Variants in RBFOX1 observed in about 807,000 individuals in gnomAD.
The protein encoded by RBFOX1 is RNA binding fox-1 homolog 1.
A neutral mutation model predicts 57.7 loss-of-function variants in RBFOX1; 8 were observed. The observed-to-expected ratio is 0.14, with a 90% CI of 0.08 to 0.25. The LOEUF (loss-of-function observed/expected upper bound fraction) is 0.25. Ranked by LOEUF, RBFOX1 falls within the 10% of genes least tolerant of loss-of-function variation. The pLI is 1.00. For missense variants in RBFOX1, 611 were observed against 548.5 expected (o/e 1.11, Z -1.14); for synonymous variants, 326 against 222.4 (o/e 1.47, Z -4.15).
At chr16:6,193,356 T>TTATATATA (rs61247347) in intron 1 of RBFOX1, among the ~76,000 whole-genome samples, 7 of 64,596 alleles carry the variant, frequency 1.1e-4, no homozygotes, top group African/African-American at 3.2e-4. Context: ...TATATATACA[T>TTATATATA]TATATATATA....
chr16:5,993,954 C>T (rs1025620381), intron 4 of RBFOX1, among the ~76,000 whole-genome samples: 1 of 152,134 alleles, frequency 6.6e-6, no homozygotes, highest in South Asian at 2.1e-4. Flanking sequence ...ATTGGAAGCA[C>T]TTTGCTGCTG....
chr16:5,405,075 A>T (rs1048539021), intron 1 of RBFOX1, among the ~76,000 whole-genome samples: 1 of 152,108 alleles, frequency 6.6e-6, no homozygotes, highest in Non-Finnish European at 1.5e-5. Context: ...GTGCAAAGAG[A>T]GGTTGAGCAG....
intron 2 of RBFOX1, chr16:6,576,925 C>T (rs756546666): frequency 1.3e-5 from 2 of 152,182 alleles, no homozygotes; most frequent in Non-Finnish European, 2.9e-5. Context: ...AGATAAAGAA[C>T]CTGTAAAGAA....
chr16:7,672,385 T>C (rs973427397), intron 13 of RBFOX1, among the ~76,000 whole-genome samples: 6 of 152,184 alleles, frequency 3.9e-5, no homozygotes, highest in African/African-American at 1.4e-4. Context: ...TTTTCTTCAG[T>C]ATTATGAGTG....
At chr16:5,368,151 T>C (rs2065771552) in intron 1 of RBFOX1, among the ~76,000 whole-genome samples, 1 of 152,238 alleles carries the variant, frequency 6.6e-6, no homozygotes, top group East Asian at 1.9e-4. Flanking sequence ...ATCCAACCTC[T>C]GGGAGCTATC....
intron 4 of RBFOX1, among the ~76,000 whole-genome samples, chr16:7,207,190 C>G (rs1361331013): frequency 3.9e-5 from 6 of 152,158 alleles, no homozygotes; most frequent in Non-Finnish European, 7.4e-5. Flanking sequence ...ATCTTCATTA[C>G]CTTTGTGTCT....
At chr16:6,935,404 C>A (rs896620880) in intron 3 of RBFOX1, among the ~76,000 whole-genome samples, 1 of 152,170 alleles carries the variant, frequency 6.6e-6, no homozygotes, top group Non-Finnish European at 1.5e-5. Context: ...TGACTTCCAA[C>A]AGTAGATCAT....
At chr16:6,771,630 A>C (rs766115507) in intron 3 of RBFOX1, among the ~76,000 whole-genome samples, 5 of 152,176 alleles carry the variant, frequency 3.3e-5, no homozygotes, top group African/African-American at 1.2e-4. Flanking sequence ...ACTGTGGACA[A>C]TTTTGCTCCT....
rs574604140 is a variant in RBFOX1, at chr16:5,927,604, C to G, written c.351+60269C>G. On this transcript the variant is annotated intron_variant, in intron 4 of 19. Coordinates refer to the RBFOX1 transcript ENST00000641259. ...AGCAATAGTGCTTCTGGGTATATAT[C>G]CAAAGGGAATGAAATCTGTATATCG... is the stretch of plus-strand genomic sequence containing the variant. 7.0e-4 allele frequency among the ~76,000 whole-genome samples: 106 copies of G among 152,236 alleles called. 2 individuals carry two copies. The highest frequency in any genetic ancestry group is 2.4e-3 in the African/African-American group (99 of 41,544).
chr16:6,572,199 A>C (rs2097354189), intron 2 of RBFOX1, among the ~76,000 whole-genome samples: 1 of 149,912 alleles, frequency 6.7e-6, no homozygotes, highest in South Asian at 2.1e-4. Flanking sequence ...ATTTATTTAA[A>C]TATGTTTTGC....
chr16:6,294,246 A>G (rs1247062633), intron 1 of RBFOX1, among the ~76,000 whole-genome samples: 3 of 152,184 alleles, frequency 2.0e-5, no homozygotes, highest in Non-Finnish European at 1.5e-5. Flanking sequence ...TCTAAAGGCA[A>G]TAGAGATGGG....
In RBFOX1 at chr16:6,350,902, C is replaced by G. The variant is rs936299868; in HGVS notation, c.-64+33845C>G. On this transcript the variant is annotated intron_variant, in intron 2 of 15. Coordinates refer to ENST00000550418, the MANE Select transcript of RBFOX1 (RefSeq NM_018723.4). Reference sequence around the variant, plus strand: ...GGAGGCCTAGGTTTCTATGAGGGCACTCTTCTGCCTCCCTTAGTGGTGGAT... The same window carrying G: ...GGAGGCCTAGGTTTCTATGAGGGCAGTCTTCTGCCTCCCTTAGTGGTGGAT... 2.0e-5 allele frequency among the ~76,000 whole-genome samples: 3 copies of G among 152,358 alleles called. No individual in the cohort carries two copies. In the South Asian group the frequency reaches 6.2e-4, roughly 32 times the overall value.
rs112249231 is a variant in RBFOX1 at position 6,104,132 on chromosome 16, AAC to A, written c.-127+84166_-127+84167del. On this transcript the variant is annotated intron_variant, in intron 1 of 15. Coordinates refer to ENST00000550418, the MANE Select transcript of RBFOX1 (RefSeq NM_018723.4). ...GACATCATAGGTTTCTCCCAGTTGAAACACACACACACACACACACACACACA... is the reference window on the plus strand; with the variant it reads ...GACATCATAGGTTTCTCCCAGTTGAAACACACACACACACACACACACACA... 2.8e-3 allele frequency among the ~76,000 whole-genome samples: 410 copies of A among 148,296 alleles called. 7 individuals are homozygous for A. The highest frequency in any genetic ancestry group is 8.5e-3 in the African/African-American group (343 of 40,216).
chr16:7,642,081 C>T (rs1472414317), intron 11 of RBFOX1, among the ~76,000 whole-genome samples: 1 of 152,178 alleles, frequency 6.6e-6, no homozygotes, highest in African/African-American at 2.4e-5. Context: ...CGCCACTGCA[C>T]TCTAGCCTGG....
chr16:6,654,697 T>C (rs1303416636), intron 3 of RBFOX1, 47 bp downstream of exon 3: 1 of 1,422,526 alleles, frequency 7.0e-7, no homozygotes, highest in Admixed American at 2.6e-5. Flanking sequence ...AAACAAGAAC[T>C]CTGTGAATTG....
At chr16:6,351,593 C>T (rs974057409) in intron 2 of RBFOX1, among the ~76,000 whole-genome samples, 5 of 151,726 alleles carry the variant, frequency 3.3e-5, no homozygotes, top group Middle Eastern at 3.4e-3. Context: ...AGGGTGGTCT[C>T]GAACTCCTGA....
chr16:5,515,871 C>T (rs1350786690), intron 2 of RBFOX1, among the ~76,000 whole-genome samples: 4 of 151,838 alleles, frequency 2.6e-5, no homozygotes, highest in Admixed American at 6.5e-5. Context: ...CTTTTGTGTG[C>T]ATTTTCTCAC....
At chr16:7,458,988 T>C (rs2059053344) in intron 4 of RBFOX1, among the ~76,000 whole-genome samples, 1 of 152,244 alleles carries the variant, frequency 6.6e-6, no homozygotes, top group Non-Finnish European at 1.5e-5. Flanking sequence ...ACTCATTGAA[T>C]ATTTGTTGAA....
intron 4 of RBFOX1, among the ~76,000 whole-genome samples, chr16:7,479,738 G>T (rs1567400377): frequency 1.3e-5 from 2 of 151,388 alleles, no homozygotes; most frequent in Non-Finnish European, 1.5e-5. Flanking sequence ...GTAGGTGATT[G>T]GAGCTGGAAT....
Sources: allele counts gnomAD v4.1 joint callset (sites outside exome capture counted in the v4.1 genomes callset), GRCh38; gene constraint gnomAD v4.1.1; transcripts MANE v1.5; gene names NCBI Gene and HGNC (gene_info 2026-07-23, HGNC 2026-07-21).